Variants in CDH18 observed in about 807,000 individuals in gnomAD.
CDH18 encodes the protein cadherin 18.
Under a neutral mutation model 67.9 loss-of-function variants are expected in CDH18, and 31 were observed. That is an observed-to-expected ratio of 0.46 (90% CI 0.34 to 0.62). The LOEUF is 0.62. CDH18 is among the 20% of genes least tolerant of loss of function. The pLI is 0.01. For synonymous variants in CDH18, 362 were observed against 347.2 expected (o/e 1.04, Z -0.48); for missense variants, 890 against 975.5 (o/e 0.91, Z 1.17).
chr5:19,483,278 A>G, intron 12 of CDH18, 23 bp downstream of exon 12: 3 of 1,595,072 alleles, frequency 1.9e-6, no homozygotes, highest in Non-Finnish European at 2.6e-6. Context: ...CATCATGCAA[A>G]CTTAGGGTTT....
At chr5:19,586,981 T>C (rs961582910) in intron 7 of CDH18, among the ~76,000 whole-genome samples, 1 of 152,202 alleles carries the variant, frequency 6.6e-6, no homozygotes, top group Non-Finnish European at 1.5e-5. Context: ...TTTTTTCATA[T>C]GTTTGTTGAC....
At chr5:19,801,903 G>C (rs1007663442) in intron 3 of CDH18, among the ~76,000 whole-genome samples, 2 of 152,048 alleles carry the variant, frequency 1.3e-5, no homozygotes, top group African/African-American at 4.8e-5. Flanking sequence ...TAATTGATAT[G>C]TAATTAGATA....
At chr5:20,453,967 G>A (rs1750662139) in intron 1 of CDH18, among the ~76,000 whole-genome samples, 1 of 152,040 alleles carries the variant, frequency 6.6e-6, no homozygotes, top group Admixed American at 6.6e-5. Context: ...TATGAATGAG[G>A]CAAATAAGTC....
At chr5:19,895,265 A>C (rs562894740) in intron 2 of CDH18, among the ~76,000 whole-genome samples, 1 of 152,194 alleles carries the variant, frequency 6.6e-6, no homozygotes, top group African/African-American at 2.4e-5. Context: ...CAAACTGGTA[A>C]GGCTTTCAAT....
At chr5:19,752,696 C>T (rs2149674660) in intron 3 of CDH18, among the ~76,000 whole-genome samples, 1 of 152,298 alleles carries the variant, frequency 6.6e-6, no homozygotes, top group Non-Finnish European at 1.5e-5. Flanking sequence ...CTCTGGAAAG[C>T]ACCACCTCCT....
Position 19,510,311 on chromosome 5 carries a change from T to C in CDH18, c.1513-7202A>G, listed in dbSNP as rs114228340. 2.5e-3 allele frequency among the ~76,000 whole-genome samples: 383 copies of C among 152,190 alleles called. 3 individuals are homozygous for C. The highest frequency in any genetic ancestry group is 8.8e-3 in the African/African-American group (366 of 41,534). ...GCCATTTCACTCTGTAATGGGTTAATCTCACAAGCAGAGCACATACACTGG... is the reference window on the plus strand; with the variant it reads ...GCCATTTCACTCTGTAATGGGTTAACCTCACAAGCAGAGCACATACACTGG... On this transcript the variant is annotated intron_variant, in intron 10 of 12. Coordinates refer to ENST00000382275, the MANE Select transcript of CDH18 (RefSeq NM_004934.5).
At chr5:19,486,314 G>C (rs1740395335) in intron 11 of CDH18, among the ~76,000 whole-genome samples, 2 of 150,410 alleles carry the variant, frequency 1.3e-5, no homozygotes. Flanking sequence ...GTATTATATA[G>C]AAATATATAT....
chr5:19,473,384 C>A lies in CDH18; in HGVS notation c.2215G>T (p.Ala739Ser), dbSNP rs1299377745. The part of the protein sequence containing the change: ...VPPYDSLQTY[A>S]YEGQRSEAGS... ...GCTTCTGATCTCTGACCCTCATAGG[C>A]ATAAGTCTGAAGAGAGTCATAAGGG... Residue 739 changes from alanine to serine, a missense_variant, in exon 13 of 13, where the codon GCC (alanine) becomes TCC (serine). Coordinates refer to ENST00000382275, the MANE Select transcript of CDH18 (RefSeq NM_004934.5). The A allele has an allele frequency of 1.9e-6, 3 of 1,613,764 alleles. No individual in the cohort carries two copies. In the East Asian group the frequency reaches 6.7e-5, roughly 36 times the overall value.
chr5:20,479,081 A>C (rs189093214), intron 1 of CDH18, among the ~76,000 whole-genome samples: 234 of 152,250 alleles, frequency 1.5e-3, no homozygotes, highest in African/African-American at 5.5e-3. Context: ...GGCTGCATTG[A>C]CCAAAAACTT....
intron 11 of CDH18, among the ~76,000 whole-genome samples, chr5:19,496,999 A>G (rs1480258409): frequency 6.6e-6 from 1 of 152,086 alleles, no homozygotes; most frequent in Non-Finnish European, 1.5e-5. Context: ...TTTTTCTTCT[A>G]TACAAATTCT....
intron 2 of CDH18, among the ~76,000 whole-genome samples, chr5:20,021,431 A>C (rs1738411687): frequency 6.6e-6 from 1 of 152,084 alleles, no homozygotes; most frequent in Admixed American, 6.5e-5. Flanking sequence ...TCTCCATCCT[A>C]ATCTCAAATT....
chr5:20,064,005 C>T (rs572596858), intron 2 of CDH18, among the ~76,000 whole-genome samples: 6 of 152,084 alleles, frequency 3.9e-5, no homozygotes, highest in Non-Finnish European at 8.8e-5. Context: ...TTTAAGAATG[C>T]ATATGATTTA....
At chr5:20,443,207 C>CTCAAAAAAAAAAAAAAAAAAAAAA (rs1491460573) in intron 1 of CDH18, among the ~76,000 whole-genome samples, 1 of 25,382 alleles carries the variant, frequency 3.9e-5, no homozygotes, top group African/African-American at 1.4e-4. Context: ...GAGACTCCGT[C>CTCAAAAAAAAAAAAAAAAAAAAAA]ACAAAAAAAA....
At chr5:19,506,296 G>A (rs1276886541) in intron 10 of CDH18, among the ~76,000 whole-genome samples, 1 of 152,028 alleles carries the variant, frequency 6.6e-6, no homozygotes, top group Non-Finnish European at 1.5e-5. Flanking sequence ...ATGCTCATGG[G>A]TAGGAAGAAT....
chr5:19,842,838 G>A (rs943319347), intron 2 of CDH18, among the ~76,000 whole-genome samples: 1 of 152,140 alleles, frequency 6.6e-6, no homozygotes, highest in African/African-American at 2.4e-5. Context: ...TCCAGGCTGA[G>A]GCAGTCTCAG....
At chr5:20,572,073 C>T (rs1400339781) in intron 1 of CDH18, among the ~76,000 whole-genome samples, 1 of 152,114 alleles carries the variant, frequency 6.6e-6, no homozygotes, top group Admixed American at 6.6e-5. Flanking sequence ...TCCCGTAATA[C>T]ACCCTCCCAT....
At chr5:20,258,199 G>T (rs1744391266) in intron 1 of CDH18, among the ~76,000 whole-genome samples, 1 of 151,864 alleles carries the variant, frequency 6.6e-6, no homozygotes. Flanking sequence ...ATAGAACCAG[G>T]CCAAATAAAA....
chr5:20,174,537 T>G lies in CDH18; in HGVS notation c.-518+80907A>C, dbSNP rs566619177. On this transcript the variant is annotated intron_variant, in intron 2 of 14. Coordinates refer to the CDH18 transcript ENST00000507958. ...ATGAAATAATTAGAAACAACCAAAT[T>G]TATTCACCTTTTTTGGGGACAACAA... Among the ~76,000 whole-genome samples the G allele has an allele frequency of 5.3e-5, 8 of 152,246 alleles. No individual in the cohort carries two copies. In the South Asian group the frequency reaches 1.2e-3, roughly 24 times the overall value.
intron 1 of CDH18, among the ~76,000 whole-genome samples, chr5:20,553,207 G>A (rs758507480): frequency 1.3e-5 from 2 of 151,938 alleles, no homozygotes; most frequent in Admixed American, 6.6e-5. Context: ...CAATTCATAC[G>A]GTGATTTGAA....
Sources: gnomAD v4.1 joint callset for allele counts (sites outside exome capture counted in the v4.1 genomes callset) on GRCh38, gnomAD v4.1.1 for gene constraint, MANE v1.5 for transcripts, NCBI Gene and HGNC (gene_info 2026-07-23, HGNC 2026-07-21) for gene names.